The following ZMAT4 variants were observed in gnomAD, a reference collection of about 807,000 sequenced individuals.
ZMAT4 encodes zinc finger matrin-type 4.
In ZMAT4, 17 loss-of-function variants were observed where a neutral mutation model predicts 28.7. The observed-to-expected ratio is 0.59, with a 90% CI of 0.41 to 0.89. ZMAT4 has a LOEUF of 0.89. Among genes scored for constraint, ZMAT4 ranks in the 40% least tolerant of loss-of-function variants. The probability of loss-of-function intolerance (pLI) is 0.00; values close to 1 mark genes in which losing one functional copy is unlikely to be tolerated. For synonymous variants in ZMAT4, 117 were observed against 109.2 expected (o/e 1.07, Z -0.44); for missense variants, 240 against 283.8 (o/e 0.85, Z 1.11).
At chr8:40,895,761 G>A (rs773923457) in intron 1 of ZMAT4, among the ~76,000 whole-genome samples, 1 of 152,162 alleles carries the variant, frequency 6.6e-6, no homozygotes, top group Non-Finnish European at 1.5e-5. Flanking sequence ...CCCCAGTTTT[G>A]CAATCCTCAA....
chr8:40,823,706 C>T (rs1387955164), intron 2 of ZMAT4, among the ~76,000 whole-genome samples: 6 of 91,358 alleles, frequency 6.6e-5, no homozygotes, highest in Non-Finnish European at 1.1e-4. Flanking sequence ...CACACACACA[C>T]GTGTGTGTGT....
intron 5 of ZMAT4, among the ~76,000 whole-genome samples, chr8:40,653,354 G>A (rs1257780813): frequency 6.6e-6 from 1 of 151,718 alleles, no homozygotes; most frequent in Non-Finnish European, 1.5e-5. Context: ...TAGAAATAGA[G>A]CAAAATACTC....
At chr8:40,644,905 C>T (rs1396098804) in intron 5 of ZMAT4, among the ~76,000 whole-genome samples, 1 of 152,136 alleles carries the variant, frequency 6.6e-6, no homozygotes, top group Non-Finnish European at 1.5e-5. Context: ...CAGGAAAATT[C>T]CAGTCGAGGA....
At chr8:40,725,346 C>T (rs567015876) in intron 3 of ZMAT4, among the ~76,000 whole-genome samples, 6 of 152,266 alleles carry the variant, frequency 3.9e-5, no homozygotes, top group South Asian at 2.1e-4. Flanking sequence ...GCTAATGTAA[C>T]GTCTTTCCTG....
chr8:40,598,673 T>G (rs1261466266), intron 5 of ZMAT4, among the ~76,000 whole-genome samples: 1 of 152,230 alleles, frequency 6.6e-6, no homozygotes, highest in Admixed American at 6.5e-5. Flanking sequence ...GCAATAAACA[T>G]ACGTTGCACA....
At chr8:40,825,703 G>C in intron 1 of ZMAT4, 23 bp from the exon 2 acceptor site, 2 of 1,526,096 alleles carry the variant, frequency 1.3e-6, no homozygotes, top group Non-Finnish European at 1.8e-6. Flanking sequence ...CAACAGAAAA[G>C]AAAAATGAGT....
intron 1 of ZMAT4, among the ~76,000 whole-genome samples, chr8:40,876,264 C>A (rs1278348552): frequency 6.6e-6 from 1 of 152,178 alleles, no homozygotes; most frequent in Non-Finnish European, 1.5e-5. Flanking sequence ...TTATGATAAT[C>A]CCTTCACTTA....
At chr8:40,857,242 C>A (rs1817330162) in intron 1 of ZMAT4, among the ~76,000 whole-genome samples, 1 of 152,082 alleles carries the variant, frequency 6.6e-6, no homozygotes, top group African/African-American at 2.4e-5. Context: ...ATAGTCCCAG[C>A]TACTCAGGAG....
At chr8:40,861,995 T>G (rs575178420) in intron 1 of ZMAT4, among the ~76,000 whole-genome samples, 508 of 152,282 alleles carry the variant, frequency 3.3e-3, no homozygotes, top group Non-Finnish European at 4.6e-3. Flanking sequence ...GTTCAACCAT[T>G]GTGGAAGACA....
chr8:40,570,423 G>A (rs756037067), intron 6 of ZMAT4, among the ~76,000 whole-genome samples: 21 of 152,182 alleles, frequency 1.4e-4, no homozygotes, highest in Admixed American at 2.6e-4. Context: ...GTGGGGCCAC[G>A]TGCAGTGGCT....
At chr8:40,701,278 T>TA (rs1810132800) in intron 3 of ZMAT4, among the ~76,000 whole-genome samples, 1 of 152,160 alleles carries the variant, frequency 6.6e-6, no homozygotes, top group African/African-American at 2.4e-5. Flanking sequence ...TACAATAATG[T>TA]ATCATGGGAT....
intron 1 of ZMAT4, among the ~76,000 whole-genome samples, chr8:40,844,173 A>G (rs1816796643): frequency 6.6e-6 from 1 of 152,238 alleles, no homozygotes; most frequent in African/African-American, 2.4e-5. Context: ...TAAAATAATA[A>G]TTTACCACAT....
chr8:40,663,996 T>C (rs1808303508), intron 5 of ZMAT4, among the ~76,000 whole-genome samples: 1 of 152,196 alleles, frequency 6.6e-6, no homozygotes, highest in Admixed American at 6.5e-5. Flanking sequence ...AATCATCGGT[T>C]TGAGACCCAT....
chr8:40,601,886 AG>A (rs1805407653), intron 5 of ZMAT4, among the ~76,000 whole-genome samples: 1 of 152,108 alleles, frequency 6.6e-6, no homozygotes, highest in African/African-American at 2.4e-5. Context: ...TAATTTTTTC[AG>A]TAGGGTTTTG....
intron 2 of ZMAT4, among the ~76,000 whole-genome samples, chr8:40,820,272 G>A (rs1039859028): frequency 6.7e-6 from 1 of 149,698 alleles, no homozygotes; most frequent in Non-Finnish European, 1.5e-5. Context: ...GTGTGTGTCT[G>A]TAGATGTGTA....
At chr8:40,847,290 T>TA (rs920294542) in intron 1 of ZMAT4, among the ~76,000 whole-genome samples, 1 of 151,874 alleles carries the variant, frequency 6.6e-6, no homozygotes, top group African/African-American at 2.4e-5. Flanking sequence ...CCTCTCCCTC[T>TA]AAAAAATGCG....
At chr8:40,577,661 A>G (rs929747761) in intron 6 of ZMAT4, among the ~76,000 whole-genome samples, 1 of 152,192 alleles carries the variant, frequency 6.6e-6, no homozygotes, top group Non-Finnish European at 1.5e-5. Context: ...TGTTCTCAAT[A>G]TAAAGAAATG....
intron 1 of ZMAT4, among the ~76,000 whole-genome samples, chr8:40,880,450 C>T (rs185903757): frequency 6.4e-4 from 97 of 152,106 alleles, no homozygotes; most frequent in African/African-American, 2.2e-3. Context: ...CTTACTGTAT[C>T]TCTGTGACAC....
intron 3 of ZMAT4, among the ~76,000 whole-genome samples, chr8:40,734,127 TACAAGGA>T (rs1467219464): frequency 6.6e-6 from 1 of 152,182 alleles, no homozygotes; most frequent in Non-Finnish European, 1.5e-5. Context: ...GATAGCAAGC[TACAAGGA>T]ATGCGCTGGA....
Sources: gnomAD v4.1 joint callset for allele counts (sites outside exome capture counted in the v4.1 genomes callset) on GRCh38, gnomAD v4.1.1 for gene constraint, MANE v1.5 for transcripts, NCBI Gene and HGNC (gene_info 2026-07-23, HGNC 2026-07-21) for gene names.